Variants in PREP observed in about 807,000 individuals in gnomAD.
PREP encodes prolyl endopeptidase.
A neutral mutation model predicts 87.6 loss-of-function variants in PREP; 29 were observed. The observed-to-expected ratio is 0.33, with a 90% CI of 0.25 to 0.45. The LOEUF is 0.45. Ranked by LOEUF, PREP falls within the 20% of genes least tolerant of loss-of-function variation. The pLI, the probability that PREP is intolerant of heterozygous loss-of-function variation, is 1.00. For synonymous variants in PREP, 337 were observed against 328.6 expected (o/e 1.03, Z -0.28); for missense variants, 695 against 886.5 (o/e 0.78, Z 2.74).
chr6:105,336,815 C>G (rs1771493655), intron 7 of PREP, among the ~76,000 whole-genome samples: 1 of 152,142 alleles, frequency 6.6e-6, no homozygotes, highest in Non-Finnish European at 1.5e-5. Flanking sequence ...CTATAAACTT[C>G]CAGGTCTATA....
At chr6:105,387,660 A>G (rs1773037123) in intron 2 of PREP, among the ~76,000 whole-genome samples, 1 of 152,158 alleles carries the variant, frequency 6.6e-6, no homozygotes, top group Non-Finnish European at 1.5e-5. Flanking sequence ...AAAGAAAAAG[A>G]AAAAGTCGCA....
At chr6:105,394,765 G>C (rs943675779) in intron 2 of PREP, among the ~76,000 whole-genome samples, 3 of 152,182 alleles carry the variant, frequency 2.0e-5, no homozygotes, top group Non-Finnish European at 4.4e-5. Context: ...GCAACAGCAA[G>C]ACCCTGTCTC....
At chr6:105,322,535 G>A in intron 10 of PREP, 2 of 985,934 alleles carry the variant, frequency 2.0e-6, no homozygotes, top group South Asian at 4.7e-5. Flanking sequence ...ACTTTTAAAT[G>A]CTATTTACAT....
intron 10 of PREP, among the ~76,000 whole-genome samples, chr6:105,313,780 C>T (rs1265982972): frequency 6.6e-6 from 1 of 152,222 alleles, no homozygotes; most frequent in African/African-American, 2.4e-5. Flanking sequence ...TAGAAGGTGG[C>T]TGGTGCCAGC....
At chr6:105,391,628 A>G (rs1369589068) in intron 2 of PREP, among the ~76,000 whole-genome samples, 1 of 152,240 alleles carries the variant, frequency 6.6e-6, no homozygotes, top group African/African-American at 2.4e-5. Flanking sequence ...AGAAAAGGGT[A>G]GTTTCAACTA....
At chr6:105,301,711 A>G (rs938941226) in intron 10 of PREP, among the ~76,000 whole-genome samples, 1 of 152,242 alleles carries the variant, frequency 6.6e-6, no homozygotes, top group Non-Finnish European at 1.5e-5. Context: ...AAGCTCCCTT[A>G]GGATACCTCA....
At chr6:105,394,078 G>A (rs1008838394) in intron 2 of PREP, among the ~76,000 whole-genome samples, 1 of 151,768 alleles carries the variant, frequency 6.6e-6, no homozygotes, top group Non-Finnish European at 1.5e-5. Flanking sequence ...AACTTTTCTT[G>A]TAAATATAGT....
intron 10 of PREP, among the ~76,000 whole-genome samples, chr6:105,308,235 G>T (rs543430055): frequency 6.6e-6 from 1 of 151,992 alleles, no homozygotes; most frequent in African/African-American, 2.4e-5. Flanking sequence ...AGATTTGACC[G>T]TCCAGAGGCT....
intron 7 of PREP, among the ~76,000 whole-genome samples, chr6:105,341,966 C>G (rs56987527): frequency 3.3e-3 from 505 of 152,286 alleles, no homozygotes; most frequent in African/African-American, 0.011. Flanking sequence ...CAAAGAGGAG[C>G]TGGTACCATT....
At chr6:105,374,635 TATATATATATATATATA>T (rs1772640486) in intron 4 of PREP, among the ~76,000 whole-genome samples, 5 of 230 alleles carry the variant, frequency 0.022, no homozygotes, top group African/African-American at 0.043. Flanking sequence ...GAATTGTTTA[TATATATATATATATATA>T]TATATATATA....
intron 10 of PREP, among the ~76,000 whole-genome samples, chr6:105,315,147 A>G (rs895917451): frequency 9.9e-5 from 15 of 152,076 alleles, no homozygotes; most frequent in Admixed American, 9.2e-4. Context: ...ATTTAGCACA[A>G]TTCTTTTTTT....
chr6:105,329,335 T>C (rs1771258571), intron 8 of PREP, among the ~76,000 whole-genome samples: 6 of 152,124 alleles, frequency 3.9e-5, no homozygotes, highest in Admixed American at 3.9e-4. Context: ...ATATTTTTAG[T>C]ACAGACGGGG....
intron 2 of PREP, among the ~76,000 whole-genome samples, chr6:105,392,323 C>G (rs1047321889): frequency 1.3e-5 from 2 of 152,194 alleles, no homozygotes; most frequent in Middle Eastern, 6.8e-3. Context: ...CAGGCGTGAG[C>G]CCCCACGCCT....
chr6:105,346,382 T>G (rs1342480383), intron 7 of PREP, among the ~76,000 whole-genome samples: 2 of 152,252 alleles, frequency 1.3e-5, no homozygotes, highest in African/African-American at 2.4e-5. Flanking sequence ...CCAGATTTCC[T>G]TTTATGGTTA....
rs1379130184 is a variant in PREP, at chr6:105,373,729, T to C, written c.386-151A>G. 1.3e-5 allele frequency: 10 copies of C among 782,570 alleles called. No individual in the cohort carries two copies. The East Asian group carries it at 1.9e-4, about 15-fold the overall frequency. The allele number at this position is 782,570 out of a possible 1,614,324, so 48.5% of individuals were successfully genotyped here. On this transcript the variant is annotated intron_variant, in intron 4 of 14. Transcript: ENST00000652536. ...TCTGGTAGTGAGGAATCCCGGGGGCTCAGCCCAAGTTTTACAGGAATTACC... is the reference window on the plus strand; with the variant it reads ...TCTGGTAGTGAGGAATCCCGGGGGCCCAGCCCAAGTTTTACAGGAATTACC...
rs115034060 is a variant in PREP, at chr6:105,289,089, C to T, written c.1318-195G>A. 5.8e-3 allele frequency among the ~76,000 whole-genome samples: 876 copies of T among 152,274 alleles called. 8 individuals carry two copies. The highest frequency in any genetic ancestry group is 0.021 in the African/African-American group (853 of 41,542). Reference sequence around the variant, plus strand: ...AATGTAGAACAGTTTAAAGAGGCTGCGTTTGAAAACAGGGAGACCTGCATT... The same window carrying T: ...AATGTAGAACAGTTTAAAGAGGCTGTGTTTGAAAACAGGGAGACCTGCATT... On this transcript the variant is annotated intron_variant, in intron 10 of 14. Coordinates refer to ENST00000652536, the MANE Select transcript of PREP (RefSeq NM_002726.5).
rs753620928 is a variant in PREP at position 105,323,705 on chromosome 6, G to A, written c.1277C>T (p.Thr426Ile). The A allele has an allele frequency of 6.2e-7, 1 of 1,613,450 alleles. No homozygotes were observed. Among genetic ancestry groups the A allele is most frequent in the Admixed American group, 1.7e-5 (1 of 60,022 alleles). Reference protein sequence around the residue: ...ELEPRVFREVTVKGIDASDYQ... With the variant: ...ELEPRVFREVIVKGIDASDYQ... ...ATCAGAAGCATCAATTCCTTTTACGGTCACCTCTCGGAAAACTCTTGGCTC... is the reference window on the plus strand; with the variant it reads ...ATCAGAAGCATCAATTCCTTTTACGATCACCTCTCGGAAAACTCTTGGCTC... The change falls in exon 10 of 15, where the codon ACC becomes ATC. Residue 426 changes from threonine (T) to isoleucine (I), a missense_variant. Thr to Ile is a moderately conservative substitution (Grantham distance 89). Coordinates refer to ENST00000652536, the MANE Select transcript of PREP (RefSeq NM_002726.5).
intron 2 of PREP, among the ~76,000 whole-genome samples, chr6:105,381,549 C>G (rs1032255879): frequency 1.3e-5 from 2 of 152,144 alleles, no homozygotes; most frequent in African/African-American, 4.8e-5. Flanking sequence ...AGTTTCAGTA[C>G]CCGCAGTCTC....
intron 10 of PREP, among the ~76,000 whole-genome samples, chr6:105,299,612 C>T (rs1562191413): frequency 6.6e-6 from 1 of 152,086 alleles, no homozygotes. Flanking sequence ...AAAAAATACC[C>T]GCCAAGGCAA....
Sources: allele counts gnomAD v4.1 joint callset (sites outside exome capture counted in the v4.1 genomes callset), GRCh38; gene constraint gnomAD v4.1.1; transcripts MANE v1.5; gene names NCBI Gene and HGNC (gene_info 2026-07-23, HGNC 2026-07-21).